CATSPERB: variants seen among roughly 807,000 people sequenced by gnomAD.
CATSPERB encodes the protein cation channel sperm-associated auxiliary subunit beta.
CATSPERB carries 93 observed loss-of-function variants against 128.3 expected under a neutral mutation model. The observed-to-expected ratio is 0.72, with a 90% CI of 0.61 to 0.86. The LOEUF is 0.86. CATSPERB is among the 40% of genes least tolerant of loss of function. The pLI, the probability that CATSPERB is intolerant of heterozygous loss-of-function variation, is 0.00. For synonymous variants in CATSPERB, 381 were observed against 448.8 expected, an observed-to-expected ratio of 0.85 and a Z score of 1.91; for missense variants, 1,153 against 1,329.5, an observed-to-expected ratio of 0.87 and a Z score of 2.06.
intron 20 of CATSPERB, among the ~76,000 whole-genome samples, chr14:91,611,535 G>A (rs751530865): frequency 2.6e-5 from 4 of 152,084 alleles, no homozygotes; most frequent in Non-Finnish European, 2.9e-5. Flanking sequence ...GCTTGAGCCC[G>A]GGAGGTGAAG....
Position 91,636,445 on chromosome 14 carries a change from A to C in CATSPERB, c.1722T>G (p.Tyr574Ter), listed in dbSNP as rs146677048. ...IYSKKFGNIH[Y>*]GKVIHSGKTG... ...ACTACCCAGAGTGTATCACTTTTCC[A>C]TAGTGTATATTGCCGAACTTCTTGC... Residue 574 changes from tyrosine (Y) to a stop codon, truncating the protein, a stop_gained, in exon 17 of 27, where the codon TAT becomes TAG. Transcript: ENST00000256343. LOFTEE classifies it high-confidence loss of function. The C allele has an allele frequency of 8.1e-6, 13 of 1,613,940 alleles. No homozygotes were observed. The highest frequency in any genetic ancestry group is 1.1e-5 in the Non-Finnish European group (13 of 1,179,988).
chr14:91,625,159 T>C lies in CATSPERB; in HGVS notation c.1743-152A>G, dbSNP rs1595152629. ...TCAACCCCATTAGTAATCAATGAAATGGCAATTATAACAATGGGATACAAT... is the reference window on the plus strand; with the variant it reads ...TCAACCCCATTAGTAATCAATGAAACGGCAATTATAACAATGGGATACAAT... On this transcript the variant is annotated intron_variant, in intron 17 of 26. Coordinates refer to ENST00000256343, the MANE Select transcript of CATSPERB (RefSeq NM_024764.4). 3.1e-5 allele frequency: 17 copies of C among 553,416 alleles called. No individual in the cohort carries two copies. In the East Asian group the frequency reaches 5.3e-4, roughly 17 times the overall value. The allele number at this position is 553,416 out of a possible 1,614,324, so 34.3% of individuals were successfully genotyped here.
intron 7 of CATSPERB, among the ~76,000 whole-genome samples, chr14:91,696,771 G>T (rs1895569325): frequency 1.3e-5 from 2 of 152,168 alleles, no homozygotes; most frequent in South Asian, 4.1e-4. Flanking sequence ...GAGCAAGGTT[G>T]TTCAGATGGC....
chr14:91,669,755 A>G (rs900194841), intron 14 of CATSPERB, 59 bp downstream of exon 14: 1 of 1,493,288 alleles, frequency 6.7e-7, no homozygotes, highest in African/African-American at 1.4e-5. Context: ...ACAGCCATGC[A>G]GCATACAGTA....
chr14:91,608,117 G>A (rs867044392), intron 22 of CATSPERB, among the ~76,000 whole-genome samples, 177 bp downstream of exon 22: 8 of 152,160 alleles, frequency 5.3e-5, no homozygotes, highest in African/African-American at 1.7e-4. Context: ...CTCCAAAACT[G>A]TATTCAGGAA....
chr14:91,717,376 GA>G (rs889644013), intron 5 of CATSPERB, among the ~76,000 whole-genome samples: 3 of 151,900 alleles, frequency 2.0e-5, no homozygotes, highest in Non-Finnish European at 2.9e-5. Context: ...ATTTTAAAAT[GA>G]AAAAAAGGGG....
chr14:91,586,546 G>GGAGACA (rs1893300673), intron 26 of CATSPERB, among the ~76,000 whole-genome samples: 1 of 117,922 alleles, frequency 8.5e-6, no homozygotes, highest in Non-Finnish European at 1.7e-5. Flanking sequence ...GGCCGGAACA[G>GGAGACA]GAGAGAGAGA....
At chr14:91,721,225 C>T (rs1246781370) in intron 4 of CATSPERB, among the ~76,000 whole-genome samples, 1 of 152,142 alleles carries the variant, frequency 6.6e-6, no homozygotes, top group East Asian at 1.9e-4. Flanking sequence ...AAAATAGATA[C>T]AGCCGACTTC....
chr14:91,581,180 C>G (rs1246550662), intron 26 of CATSPERB, 73 bp from the exon 27 acceptor site: 6 of 1,241,484 alleles, frequency 4.8e-6, no homozygotes, highest in Non-Finnish European at 5.7e-6. Context: ...TTAATGTTCC[C>G]CACAATTAAT....
At chr14:91,616,375 A>T (rs1893935514) in intron 20 of CATSPERB, among the ~76,000 whole-genome samples, 1 of 152,186 alleles carries the variant, frequency 6.6e-6, no homozygotes, top group Admixed American at 6.5e-5. Context: ...TTTATTCCGT[A>T]TCTGTCTCTA....
At chr14:91,705,112 A>G (rs1895713739) in intron 6 of CATSPERB, among the ~76,000 whole-genome samples, 2 of 152,230 alleles carry the variant, frequency 1.3e-5, no homozygotes, top group Non-Finnish European at 2.9e-5. Context: ...ATATATAAAA[A>G]TGGGAATAAA....
intron 2 of CATSPERB, among the ~76,000 whole-genome samples, chr14:91,725,713 T>C (rs1338394363): frequency 6.6e-6 from 1 of 151,870 alleles, no homozygotes; most frequent in African/African-American, 2.4e-5. Flanking sequence ...CAGGATACGG[T>C]TTGTTGAGAA....
At chr14:91,685,555 A>G (rs140038809) in intron 10 of CATSPERB, among the ~76,000 whole-genome samples, 70 of 152,288 alleles carry the variant, frequency 4.6e-4, no homozygotes, top group African/African-American at 1.6e-3. Context: ...CGGAACCTAA[A>G]ATCTTGTGAG....
In CATSPERB at chr14:91,624,896, A is replaced by C. The variant is rs1383388645; in HGVS notation, c.1854T>G (p.Asn618Lys). 1.3e-5 allele frequency: 21 copies of C among 1,612,916 alleles called. No homozygotes were observed. In the Admixed American group the frequency reaches 3.3e-4, roughly 26 times the overall value. ...MKEPFGLEEV[N>K]ESSCLSSSLL... ...GGGAACTAGACAAACAAGAGCTCTC[A>C]TTCACTTCTTCTAATCCAAAGGGCT... The change falls in exon 18 of 27, where the codon AAT (asparagine) becomes AAG (lysine). Residue 618 changes from asparagine to lysine, a missense_variant. Asn to Lys is a moderately conservative substitution (Grantham distance 94). Transcript: ENST00000256343.
At chr14:91,601,579 A>T (rs767579064) in intron 22 of CATSPERB, among the ~76,000 whole-genome samples, 1 of 152,172 alleles carries the variant, frequency 6.6e-6, no homozygotes, top group African/African-American at 2.4e-5. Flanking sequence ...TTCAAGGTTG[A>T]GTTTAATAGT....
intron 22 of CATSPERB, among the ~76,000 whole-genome samples, chr14:91,597,990 G>T (rs201321502): frequency 1.2e-4 from 18 of 144,208 alleles, no homozygotes; most frequent in South Asian, 6.6e-4. Flanking sequence ...AAAAGTTTTT[G>T]TTTTTTTTTT....
chr14:91,678,083 G>C (rs1040187834), intron 11 of CATSPERB, among the ~76,000 whole-genome samples: 1 of 152,146 alleles, frequency 6.6e-6, no homozygotes, highest in Non-Finnish European at 1.5e-5. Flanking sequence ...GTTGGCAGGT[G>C]GGGGGCAAGG....
At chr14:91,623,150 C>T (rs1195387561) in intron 18 of CATSPERB, among the ~76,000 whole-genome samples, 1 of 152,158 alleles carries the variant, frequency 6.6e-6, no homozygotes, top group Non-Finnish European at 1.5e-5. Context: ...CTGCCTCAGC[C>T]TCCCAAAGTG....
At chr14:91,666,083 T>A (rs993949909) in intron 14 of CATSPERB, among the ~76,000 whole-genome samples, 17 of 152,126 alleles carry the variant, frequency 1.1e-4, no homozygotes, top group African/African-American at 4.1e-4. Context: ...CTGCCACTCT[T>A]CTCTCAGCAG....
Sources: allele counts gnomAD v4.1 joint callset (sites outside exome capture counted in the v4.1 genomes callset), GRCh38; gene constraint gnomAD v4.1.1; transcripts MANE v1.5; gene names NCBI Gene and HGNC (gene_info 2026-07-23, HGNC 2026-07-21).